The following CDH12 variants were observed in gnomAD, a reference collection of about 807,000 sequenced individuals.
The protein encoded by CDH12 is cadherin 12, also known as cadherin-12.
Under a neutral mutation model 74.1 loss-of-function variants are expected in CDH12, and 41 were observed. The ratio of observed to expected loss-of-function variants is 0.55; its 90% CI spans 0.43 to 0.72. CDH12 has a LOEUF of 0.72. CDH12 is among the 30% of genes least tolerant of loss of function. The probability of loss-of-function intolerance (pLI) is 0.00; values close to 1 mark genes in which losing one functional copy is unlikely to be tolerated. For missense variants in CDH12, 945 were observed against 977.2 expected (o/e 0.97, Z 0.44); for synonymous variants, 399 against 355.0 (o/e 1.12, Z -1.39).
Position 22,544,142 on chromosome 5 carries a change from T to A in CDH12, c.-522-38778A>T, listed in dbSNP as rs1158573486. Among the ~76,000 whole-genome samples, 15 of 152,180 alleles carry A rather than the reference T, an allele frequency of 9.9e-5. No individual in the cohort carries two copies. The East Asian group carries it at 1.9e-3, about 20-fold the overall frequency. On this transcript the variant is annotated intron_variant, in intron 1 of 14. Transcript: ENST00000382254. ...TTGGTGCATCATTTACTTTTTTTTTTATTTTCATTGCCTATTTGGCTCTTT... is the reference window on the plus strand; with the variant it reads ...TTGGTGCATCATTTACTTTTTTTTTAATTTTCATTGCCTATTTGGCTCTTT...
intron 4 of CDH12, among the ~76,000 whole-genome samples, chr5:22,113,142 A>G (rs1297995918): frequency 2.0e-5 from 3 of 152,106 alleles, no homozygotes; most frequent in East Asian, 3.9e-4. Context: ...TTACTTTACA[A>G]TCTTACTCTG....
chr5:22,257,920 T>C (rs1753374801), intron 3 of CDH12, among the ~76,000 whole-genome samples: 1 of 152,052 alleles, frequency 6.6e-6, no homozygotes, highest in Non-Finnish European at 1.5e-5. Context: ...TTAATCTAAG[T>C]GTCACAAAAG....
chr5:22,783,052 G>A (rs1344135950), intron 1 of CDH12, among the ~76,000 whole-genome samples: 2 of 151,984 alleles, frequency 1.3e-5, no homozygotes, highest in Non-Finnish European at 2.9e-5. Flanking sequence ...TATAAATTAA[G>A]GAATGCTGTG....
chr5:22,571,743 G>A lies in CDH12; in HGVS notation c.-522-66379C>T, dbSNP rs965891286. On this transcript the variant is annotated intron_variant, in intron 1 of 14. Transcript: ENST00000382254. Reference sequence around the variant, plus strand: ...TAATGTCAATGTTGTTATGTCTCAGGGAATAGGAAGACCCAGGGAGAGGGA... The same window carrying A: ...TAATGTCAATGTTGTTATGTCTCAGAGAATAGGAAGACCCAGGGAGAGGGA... Among the ~76,000 whole-genome samples the A allele has an allele frequency of 2.0e-5, 3 of 152,248 alleles. No individual in the cohort carries two copies. In the South Asian group the frequency reaches 6.2e-4, roughly 32 times the overall value.
chr5:21,782,065 T>G (rs1053591479), intron 11 of CDH12, among the ~76,000 whole-genome samples: 3 of 152,226 alleles, frequency 2.0e-5, no homozygotes, highest in African/African-American at 4.8e-5. Context: ...AACTTTACAC[T>G]GTGGTATCCC....
At chr5:22,049,596 C>T (rs1309835086) in intron 5 of CDH12, among the ~76,000 whole-genome samples, 1 of 152,028 alleles carries the variant, frequency 6.6e-6, no homozygotes, top group Admixed American at 6.6e-5. Context: ...TCCAAACATA[C>T]CTAAAATTAC....
Position 22,790,790 on chromosome 5 carries a change from C to T in CDH12, c.-523+62268G>A, listed in dbSNP as rs116062320. 7.9e-3 allele frequency among the ~76,000 whole-genome samples: 1,210 copies of T among 152,230 alleles called. 14 individuals are homozygous for T. The highest frequency in any genetic ancestry group is 0.028 in the African/African-American group (1,155 of 41,530). ...GCTGTTACGTAAATATCAGAGACTA[C>T]ATCCCACTGCTTGGTGGCAAGGATT... On this transcript the variant is annotated intron_variant, in intron 1 of 14. Transcript: ENST00000382254.
chr5:22,091,019 C>G (rs1743388858), intron 4 of CDH12, among the ~76,000 whole-genome samples: 1 of 151,480 alleles, frequency 6.6e-6, no homozygotes, highest in Non-Finnish European at 1.5e-5. Context: ...AGAACACAAA[C>G]AAGAAAGGAA....
chr5:22,530,794 G>T (rs1184962768), intron 1 of CDH12, among the ~76,000 whole-genome samples: 2 of 151,832 alleles, frequency 1.3e-5, no homozygotes, highest in South Asian at 4.2e-4. Flanking sequence ...TAGTCTATAG[G>T]CATATTTATT....
chr5:22,742,011 T>C (rs1745050275), intron 1 of CDH12, among the ~76,000 whole-genome samples: 1 of 152,010 alleles, frequency 6.6e-6, no homozygotes, highest in Non-Finnish European at 1.5e-5. Context: ...TGAAACCCTG[T>C]CTCTACTAAA....
At chr5:22,617,615 G>A (rs1250412046) in intron 1 of CDH12, among the ~76,000 whole-genome samples, 1 of 152,038 alleles carries the variant, frequency 6.6e-6, no homozygotes, top group African/African-American at 2.4e-5. Flanking sequence ...AACATTCTCA[G>A]CTCCAGTTAT....
At chr5:22,334,527 C>G (rs1161446875) in intron 3 of CDH12, among the ~76,000 whole-genome samples, 1 of 152,006 alleles carries the variant, frequency 6.6e-6, no homozygotes, top group Non-Finnish European at 1.5e-5. Flanking sequence ...TAGGGAAATA[C>G]AAAAGACCCA....
chr5:22,396,993 G>A (rs755781780), intron 3 of CDH12, among the ~76,000 whole-genome samples: 17 of 151,780 alleles, frequency 1.1e-4, no homozygotes, highest in Non-Finnish European at 2.1e-4. Flanking sequence ...TCTCTTTTAC[G>A]TATATAAACT....
At chr5:21,911,432 G>T (rs114169459) in intron 6 of CDH12, among the ~76,000 whole-genome samples, 1,939 of 152,092 alleles carry the variant, frequency 0.013, 16 homozygotes, top group Middle Eastern at 0.031. Context: ...GGACTAAAAA[G>T]TGAAGGGCTA....
At chr5:22,776,710 T>G (rs1291217831) in intron 1 of CDH12, among the ~76,000 whole-genome samples, 1 of 152,212 alleles carries the variant, frequency 6.6e-6, no homozygotes, top group Non-Finnish European at 1.5e-5. Flanking sequence ...TTAAGTAATT[T>G]GTGATCAGTG....
chr5:22,838,426 C>T (rs961077640), intron 1 of CDH12, among the ~76,000 whole-genome samples: 1 of 152,134 alleles, frequency 6.6e-6, no homozygotes, highest in Non-Finnish European at 1.5e-5. Flanking sequence ...CTCACTTCCT[C>T]AGCTTACAAC....
At chr5:21,870,221 T>C (rs987844159) in intron 6 of CDH12, among the ~76,000 whole-genome samples, 8 of 152,164 alleles carry the variant, frequency 5.3e-5, no homozygotes, top group African/African-American at 1.9e-4. Context: ...GTCTTGGGTA[T>C]GTCTTTATCA....
chr5:22,153,334 A>AT (rs1284737369), intron 4 of CDH12, among the ~76,000 whole-genome samples: 1 of 151,614 alleles, frequency 6.6e-6, no homozygotes, highest in Admixed American at 6.6e-5. Flanking sequence ...ATTTTGATGC[A>AT]TTTTTAAGAC....
intron 3 of CDH12, among the ~76,000 whole-genome samples, chr5:22,398,140 A>C (rs1742545022): frequency 6.6e-6 from 1 of 152,130 alleles, no homozygotes; most frequent in Non-Finnish European, 1.5e-5. Flanking sequence ...CCTTCTCTGA[A>C]AGCAGCACAC....
Sources: gnomAD v4.1 joint callset for allele counts (sites outside exome capture counted in the v4.1 genomes callset) on GRCh38, gnomAD v4.1.1 for gene constraint, MANE v1.5 for transcripts, NCBI Gene and HGNC (gene_info 2026-07-23, HGNC 2026-07-21) for gene names.